ADGRL2: variants seen among roughly 807,000 people sequenced by gnomAD.
The protein encoded by ADGRL2 is adhesion G protein-coupled receptor L2, also known as calcium-independent alpha-latrotoxin receptor 2.
In ADGRL2, 44 loss-of-function variants were observed where a neutral mutation model predicts 157.4. The observed-to-expected ratio is 0.28, with a 90% confidence interval of 0.22 to 0.36. The LOEUF (loss-of-function observed/expected upper bound fraction) is 0.36, where lower values mean the gene tolerates loss of function less well. Among genes scored for constraint, ADGRL2 ranks in the 10% least tolerant of loss-of-function variants. The probability of loss-of-function intolerance (pLI) is 1.00; values close to 1 mark genes in which losing one functional copy is unlikely to be tolerated. For missense variants in ADGRL2, 1,510 were observed against 1,768.9 expected (o/e 0.85, Z 2.63); for synonymous variants, 585 against 624.7 (o/e 0.94, Z 0.95).
intron 3 of ADGRL2, among the ~76,000 whole-genome samples, chr1:81,915,999 A>G (rs1374051149): frequency 6.6e-6 from 1 of 152,168 alleles, no homozygotes; most frequent in African/African-American, 2.4e-5. Context: ...CTCACCTAGA[A>G]CATTCCTTCC....
At chr1:81,577,739 A>G (rs980604030) in intron 2 of ADGRL2, among the ~76,000 whole-genome samples, 3 of 152,202 alleles carry the variant, frequency 2.0e-5, no homozygotes, top group African/African-American at 7.2e-5. Context: ...CAAAAAATTC[A>G]AGTTGATACT....
At chr1:81,643,612 AGT>A in intron 3 of ADGRL2, among the ~76,000 whole-genome samples, 1 of 152,306 alleles carries the variant, frequency 6.6e-6, no homozygotes, top group East Asian at 1.9e-4. Context: ...CCCAGCCACA[AGT>A]GGAATTTGAA....
At chr1:81,863,490 A>G (rs1465739449) in intron 2 of ADGRL2, among the ~76,000 whole-genome samples, 2 of 152,128 alleles carry the variant, frequency 1.3e-5, no homozygotes, top group East Asian at 3.9e-4. Flanking sequence ...CCATTATCCT[A>G]CACCCCTAAC....
chr1:81,678,765 A>T (rs2083047636), intron 3 of ADGRL2, among the ~76,000 whole-genome samples: 1 of 152,174 alleles, frequency 6.6e-6, no homozygotes. Context: ...CTGTGAATTT[A>T]ATGAGAAGGT....
At chr1:81,487,687 A>C (rs540343642) in intron 2 of ADGRL2, among the ~76,000 whole-genome samples, 16 of 152,238 alleles carry the variant, frequency 1.1e-4, no homozygotes, top group African/African-American at 3.6e-4. Context: ...AAAATGGGGA[A>C]TATTACTGAA....
intron 1 of ADGRL2, among the ~76,000 whole-genome samples, chr1:81,328,454 A>C (rs1014224536): frequency 1.3e-5 from 2 of 152,100 alleles, no homozygotes; most frequent in African/African-American, 4.8e-5. Flanking sequence ...GCCAACCCCC[A>C]TCCCTAAAAT....
At chr1:81,806,085 A>G (rs537598949) in intron 1 of ADGRL2, among the ~76,000 whole-genome samples, 2 of 152,072 alleles carry the variant, frequency 1.3e-5, no homozygotes, top group Non-Finnish European at 2.9e-5. Flanking sequence ...TTAGAAATGG[A>G]GATAGCTCTG....
chr1:81,943,800 C>T lies in ADGRL2; in HGVS notation c.1210+31C>T, dbSNP rs746755487. 209 of 1,516,026 alleles carry T rather than the reference C, an allele frequency of 1.4e-4. 2 individuals carry two copies. The Middle Eastern group carries it at 1.4e-3, about 10-fold the overall frequency. 93.9% of individuals were successfully genotyped at this position (1,516,026 alleles called of 1,614,324 possible). On this transcript the variant is annotated intron_variant, in intron 6 of 23. Coordinates refer to ENST00000686636, the MANE Select transcript of ADGRL2 (RefSeq NM_001366006.2). This position sits in a 1 kb window ranked among gnomAD's most constrained non-coding sequence, Gnocchi z 5.6. ...CGTGTTTACTTGCTAATGCTTATGT[C>T]ATTTTGTGAAAAGCATTTTTCTTTT...
intron 1 of ADGRL2, among the ~76,000 whole-genome samples, chr1:81,399,462 C>T (rs555138925): frequency 2.6e-4 from 39 of 152,196 alleles, no homozygotes; most frequent in African/African-American, 9.1e-4. Context: ...TGTGGGCTTT[C>T]TTCACTACTA....
intron 2 of ADGRL2, among the ~76,000 whole-genome samples, chr1:81,488,198 A>C (rs1329320649): frequency 6.6e-6 from 1 of 152,210 alleles, no homozygotes; most frequent in Non-Finnish European, 1.5e-5. Context: ...GGAAAATTTG[A>C]AAGTGACTAT....
chr1:81,379,502 G>A (rs532746570), intron 1 of ADGRL2, among the ~76,000 whole-genome samples: 1 of 152,298 alleles, frequency 6.6e-6, no homozygotes, highest in Admixed American at 6.5e-5. Context: ...TGGGCTTAAG[G>A]AATGAGTGCA....
At chr1:81,663,753 C>T (rs1295105557) in intron 3 of ADGRL2, among the ~76,000 whole-genome samples, 1 of 152,166 alleles carries the variant, frequency 6.6e-6, no homozygotes, top group African/African-American at 2.4e-5. Flanking sequence ...AGGGTCCAGG[C>T]ATTTGCTGGT....
At chr1:81,715,767 C>CA (rs1203402991) in intron 1 of ADGRL2, among the ~76,000 whole-genome samples, 12 of 152,094 alleles carry the variant, frequency 7.9e-5, no homozygotes, top group African/African-American at 2.9e-4. Context: ...ATTGTCTCTT[C>CA]ATGAGACCAA....
At position 81,547,379 on chromosome 1, in the gene ADGRL2, T is replaced by C. The variant is rs541876826; in HGVS notation, c.-247-33497T>C. 7.0e-4 allele frequency among the ~76,000 whole-genome samples: 107 copies of C among 152,272 alleles called. No individual in the cohort carries two copies. The South Asian group carries it at 0.017, about 24-fold the overall frequency. Reference sequence around the variant, plus strand: ...CCCTCACCATTCCCCTCAAATTCTCTAGAACATCTCTATACCCTTCCCTCA... The same window carrying C: ...CCCTCACCATTCCCCTCAAATTCTCCAGAACATCTCTATACCCTTCCCTCA... On this transcript the variant is annotated intron_variant, in intron 2 of 24. Transcript: ENST00000370721.
intron 1 of ADGRL2, among the ~76,000 whole-genome samples, chr1:81,307,398 C>A (rs1046698683): frequency 1.3e-5 from 2 of 152,214 alleles, no homozygotes; most frequent in East Asian, 3.9e-4. Context: ...TTAGTCATAT[C>A]AATTTTAAAA....
At chr1:81,788,379 T>C (rs1425563160) in intron 2 of ADGRL2, among the ~76,000 whole-genome samples, 1 of 151,776 alleles carries the variant, frequency 6.6e-6, no homozygotes, top group African/African-American at 2.4e-5. Context: ...TTGAAAAGAG[T>C]CAGGGACCTC....
chr1:81,713,099 C>A (rs913111374), intron 1 of ADGRL2, among the ~76,000 whole-genome samples: 1 of 151,898 alleles, frequency 6.6e-6, no homozygotes, highest in African/African-American at 2.4e-5. Flanking sequence ...TAAAAAACCC[C>A]GATATATAAT....
At chr1:81,582,922 C>T (rs1009769208) in intron 3 of ADGRL2, among the ~76,000 whole-genome samples, 1 of 150,372 alleles carries the variant, frequency 6.7e-6, no homozygotes, top group East Asian at 1.9e-4. Context: ...CCACCCCCAA[C>T]ACACAACACA....
At chr1:81,334,961 T>A (rs866546398) in intron 1 of ADGRL2, among the ~76,000 whole-genome samples, 9 of 152,186 alleles carry the variant, frequency 5.9e-5, no homozygotes, top group African/African-American at 2.2e-4. Flanking sequence ...GTGGGCTATG[T>A]CAAGGGCTTC....
Sources: allele counts gnomAD v4.1 joint callset (sites outside exome capture counted in the v4.1 genomes callset), GRCh38; gene constraint gnomAD v4.1.1; non-coding constraint Gnocchi (gnomAD v3.1); transcripts MANE v1.5; gene names NCBI Gene and HGNC (gene_info 2026-07-23, HGNC 2026-07-21).